The following NCL variants were observed in gnomAD, a reference collection of about 807,000 sequenced individuals.
NCL encodes the protein nucleolin multifunctional protein.
In NCL, 4 loss-of-function variants were observed where a neutral mutation model predicts 77.7. The ratio of observed to expected loss-of-function variants is 0.05; its 90% CI spans 0.03 to 0.12. The LOEUF is 0.12. NCL is among the 10% of genes least tolerant of loss of function. The probability of loss-of-function intolerance (pLI) is 1.00; values close to 1 mark genes in which losing one functional copy is unlikely to be tolerated. For synonymous variants in NCL, 344 were observed against 297.8 expected, an observed-to-expected ratio of 1.16 and a Z score of -1.60; for missense variants, 763 against 860.9, an observed-to-expected ratio of 0.89 and a Z score of 1.42.
At chr2:231,458,653 T>C in intron 7 of NCL, 1 of 489,690 alleles carries the variant, frequency 2.0e-6, no homozygotes, top group Non-Finnish European at 3.6e-6. Context: ...AAAAAGTGAA[T>C]GTACCAATTC....
chr2:231,459,154 C>A, intron 6 of NCL, 29 bp from the exon 7 acceptor site: 1 of 1,520,056 alleles, frequency 6.6e-7, no homozygotes, highest in South Asian at 1.3e-5. Flanking sequence ...GGCAAAATTA[C>A]AACAGGTGAA....
At position 231,464,321 on chromosome 2, in the gene NCL, C is replaced by G. The variant is rs1176330557; in HGVS notation, c.18+15G>C. The G allele has an allele frequency of 1.9e-6, 3 of 1,589,598 alleles. No homozygotes were observed. The highest frequency in any genetic ancestry group is 4.6e-5 in the East Asian group (2 of 43,452). On this transcript the variant is annotated intron_variant, in intron 1 of 13. Coordinates refer to ENST00000322723, the MANE Select transcript of NCL (RefSeq NM_005381.3). ...GCAGGCCTACACGTCTGCGCTCGCGCTCAAGGCCGTTTACCTTCGCGAGCT... is the reference window on the plus strand; with the variant it reads ...GCAGGCCTACACGTCTGCGCTCGCGGTCAAGGCCGTTTACCTTCGCGAGCT...
In NCL at chr2:231,464,459, C is replaced by A; in HGVS notation, c.-106G>T. ...GCTGAAGATCCCGGAGCACGTACAC[C>A]CGAAGGCCAGCGAGAGCTCGAGACT... On this transcript the variant is annotated 5_prime_UTR_variant, in exon 1 of 14. Transcript: ENST00000322723. The A allele has an allele frequency of 6.8e-7, 1 of 1,460,642 alleles. No individual in the cohort carries two copies. Among genetic ancestry groups the A allele is most frequent in the Non-Finnish European group, 9.4e-7 (1 of 1,064,974 alleles). The allele number at this position is 1,460,642 out of a possible 1,614,324, so 90.5% of individuals were successfully genotyped here. A position where few individuals can be genotyped will look rare whatever the true frequency, so the allele number is the denominator to read the frequency against.
rs976036617 is a variant in NCL, at chr2:231,464,477, T to C, written c.-124A>G. ...CGTACACCCGAAGGCCAGCGAGAGC[T>C]CGAGACTGAGGCGAAAGACTGAGCC... On this transcript the variant is annotated 5_prime_UTR_variant, in exon 1 of 14. Coordinates refer to ENST00000322723, the MANE Select transcript of NCL (RefSeq NM_005381.3). 4 of 1,368,962 alleles carry C rather than the reference T, an allele frequency of 2.9e-6. No homozygotes were observed. The highest frequency in any genetic ancestry group is 1.2e-5 in the South Asian group (1 of 80,170). The allele number at this position is 1,368,962 out of a possible 1,614,324, so 84.8% of individuals were successfully genotyped here.
intron 1 of NCL, chr2:231,463,834 C>T (rs12475605): frequency 0.11 from 18,961 of 167,748 alleles, 1,465 homozygotes; most frequent in East Asian, 0.36. Context: ...CGCGGCAGAG[C>T]CACCTTCCGG....
chr2:231,455,391 C>T lies in NCL; in HGVS notation c.2056+10G>A, dbSNP rs113717220. ...ATGCTATGTGGTGTCATTATCTCTG[C>T]GTGCCTTACCTCCAAAGCCTCCCCG... On this transcript the variant is annotated intron_variant, in intron 13 of 13. Coordinates refer to ENST00000322723, the MANE Select transcript of NCL (RefSeq NM_005381.3). 3,798 of 1,613,828 alleles carry T rather than the reference C, an allele frequency of 2.4e-3. 68 individuals carry two copies. The African/African-American group carries it at 0.041, about 17-fold the overall frequency.
Position 231,455,084 on chromosome 2 carries a change from T to TA in NCL, c.*106dup, listed in dbSNP as rs1447876768. The TA allele has an allele frequency of 8.1e-7, 1 of 1,234,840 alleles. No homozygotes were observed. Among genetic ancestry groups the TA allele is most frequent in the Non-Finnish European group, 1.2e-6 (1 of 846,752 alleles). 76.5% of individuals were successfully genotyped at this position (1,234,840 alleles called of 1,614,324 possible). A position where few individuals can be genotyped will look rare whatever the true frequency, so the allele number is the denominator to read the frequency against. ...GATTTCCAAGGAGACCACAGGACTG[T>TA]ATACTGTCTTGGAATGTCCTCAGAA... On this transcript the variant is annotated 3_prime_UTR_variant, in exon 14 of 14. Transcript: ENST00000322723.
At chr2:231,455,853 A>G in intron 12 of NCL, 157 bp downstream of exon 12, 1 of 1,303,822 alleles carries the variant, frequency 7.7e-7, no homozygotes, top group South Asian at 1.2e-5. Context: ...AGGTAAAATA[A>G]TGCTAGTTCT....
chr2:231,455,820 A>G (rs1364151516), intron 12 of NCL, 190 bp downstream of exon 12: 1 of 1,176,518 alleles, frequency 8.5e-7, no homozygotes, highest in African/African-American at 1.5e-5. Context: ...CAATACAGCT[A>G]AATATACCTC....
At chr2:231,459,262 G>A in intron 6 of NCL, 137 bp from the exon 7 acceptor site, 1 of 975,114 alleles carries the variant, frequency 1.0e-6, no homozygotes, top group Non-Finnish European at 1.4e-6. Context: ...GCAAAACAAA[G>A]TCAAGGCTCT....
In NCL at chr2:231,455,195, T is replaced by C; in HGVS notation, c.2129A>G (p.Glu710Gly). The change falls in exon 14 of 14, where the codon GAA (glutamate) becomes GGA (glycine). Residue 710 changes from glutamate (E) to glycine (G), a missense_variant. Around this residue, in one of 2 missense-constraint regions of NCL, gnomAD observed 173 missense variants for 290.4 expected, o/e 0.60. Coordinates refer to ENST00000322723, the MANE Select transcript of NCL (RefSeq NM_005381.3). ...GGGAAAGCAGAGGGACAGAAGCTAT[T>C]CAAACTTCGTCTTCTTTCCTTGTGG... ...HKPQGKKTKFE is the reference protein window; with the variant it reads ...HKPQGKKTKFG 1 of 1,614,186 alleles carries C rather than the reference T, an allele frequency of 6.2e-7. No individual in the cohort carries two copies.
Position 231,461,893 on chromosome 2 carries a change from T to G in NCL, c.260A>C (p.Lys87Thr). 1 of 1,614,238 alleles carries G rather than the reference T, an allele frequency of 6.2e-7. No homozygotes were observed. The highest frequency in any genetic ancestry group is 8.5e-7 in the Non-Finnish European group (1 of 1,180,050). Residue 87 changes from lysine (K) to threonine (T), a missense_variant, in exon 3 of 14, where the codon AAA (lysine) becomes ACA (threonine). Coordinates refer to ENST00000322723, the MANE Select transcript of NCL (RefSeq NM_005381.3). The stretch of plus-strand genomic sequence containing the variant: ...CTTGGCAGGTGTTGCTGCTGCCTTT[T>G]TGCCTGGAGTGACAGCTGCTTTCTT... ...PAKKAAVTPG[K>T]KAAATPAKKT...
At chr2:231,463,121 C>G in intron 2 of NCL, 79 bp downstream of exon 2, 1 of 1,056,446 alleles carries the variant, frequency 9.5e-7, no homozygotes, top group Non-Finnish European at 1.4e-6. Flanking sequence ...CTTATTTTTG[C>G]CACAGATATC....
chr2:231,455,058 G>T lies in NCL; in HGVS notation c.*133C>A. The T allele has an allele frequency of 1.1e-6, 1 of 941,806 alleles. No homozygotes were observed. The highest frequency in any genetic ancestry group is 1.6e-6 in the Non-Finnish European group (1 of 610,888). The allele number at this position is 941,806 out of a possible 1,614,324, so 58.3% of individuals were successfully genotyped here. On this transcript the variant is annotated 3_prime_UTR_variant, in exon 14 of 14. Transcript: ENST00000322723. ...ATTGCCCTTGAAATGTTAACTAGAC[G>T]GATTTCCAAGGAGACCACAGGACTG...
At chr2:231,458,499 G>A (rs1297620396) in intron 7 of NCL, 110 bp from the exon 8 acceptor site, 1 of 1,349,500 alleles carries the variant, frequency 7.4e-7, no homozygotes, top group Non-Finnish European at 1.0e-6. Flanking sequence ...AATAATTTGA[G>A]ATCCTATAAT....
chr2:231,462,421 G>A, intron 2 of NCL: 1 of 394,392 alleles, frequency 2.5e-6, no homozygotes, highest in Non-Finnish European at 5.0e-6. Flanking sequence ...TAAATCATTT[G>A]GGGCTCCTAC....
intron 5 of NCL, 47 bp downstream of exon 5, chr2:231,460,431 C>A: frequency 6.3e-7 from 1 of 1,592,456 alleles, no homozygotes; most frequent in Non-Finnish European, 8.6e-7. Context: ...TGTTATTCAT[C>A]ATTTGTGCTG....
At chr2:231,458,922 A>T (rs1559541264) in intron 7 of NCL, 79 bp downstream of exon 7, 2 of 1,364,862 alleles carry the variant, frequency 1.5e-6, no homozygotes, top group Non-Finnish European at 1.9e-6. Flanking sequence ...GAGGAAACCA[A>T]GGGAAATGGG....
intron 1 of NCL, 140 bp downstream of exon 1, chr2:231,464,196 C>A: frequency 2.0e-6 from 3 of 1,471,502 alleles, no homozygotes; most frequent in Non-Finnish European, 2.7e-6. Context: ...GAGACCTCCC[C>A]ACTAATCGCG....
Sources: allele counts gnomAD v4.1 joint callset, GRCh38; gene constraint gnomAD v4.1.1; regional missense constraint gnomAD v4.1.1; transcripts MANE v1.5; gene names NCBI Gene and HGNC (gene_info 2026-07-23, HGNC 2026-07-21).